The following CD48 variants were observed in gnomAD, a reference collection of about 807,000 sequenced individuals.
CD48 encodes CD48 antigen.
Under a neutral mutation model 22.0 loss-of-function variants are expected in CD48, and 20 were observed. The observed-to-expected ratio is 0.91, with a 90% CI of 0.64 to 1.32. The LOEUF (loss-of-function observed/expected upper bound fraction) is 1.32, where lower values mean the gene tolerates loss of function less well. CD48 is among the 40% of genes most tolerant of loss of function. The probability of loss-of-function intolerance (pLI) is 0.00; values close to 1 mark genes in which losing one functional copy is unlikely to be tolerated. For synonymous variants in CD48, 110 were observed against 110.1 expected (o/e 1.00, Z 0.01); for missense variants, 307 against 286.5 (o/e 1.07, Z -0.52).
intron 2 of CD48, among the ~76,000 whole-genome samples, chr1:160,683,065 G>A (rs905183825): frequency 2.0e-5 from 3 of 152,174 alleles, no homozygotes; most frequent in South Asian, 4.1e-4. Context: ...ATCTCAGATC[G>A]CTAAAAGATT....
At chr1:160,684,772 C>T (rs770799520) in intron 2 of CD48, 115 bp downstream of exon 2, 103 of 1,612,038 alleles carry the variant, frequency 6.4e-5, no homozygotes, top group Non-Finnish European at 8.4e-5. Context: ...TCAAACCTGT[C>T]CTGAGGTTTT....
chr1:160,694,455 T>A (rs12145359), intron 1 of CD48, among the ~76,000 whole-genome samples: 1 of 150,544 alleles, frequency 6.6e-6, no homozygotes, highest in Non-Finnish European at 1.5e-5. Context: ...GTCGGCATAG[T>A]CACAGCCTCA....
chr1:160,687,659 G>T (rs573801430), intron 1 of CD48, among the ~76,000 whole-genome samples: 1 of 152,122 alleles, frequency 6.6e-6, no homozygotes, highest in African/African-American at 2.4e-5. Context: ...ATGTGCCATG[G>T]CAATGAAGGC....
intron 1 of CD48, among the ~76,000 whole-genome samples, chr1:160,689,810 T>C (rs1477410941): frequency 6.6e-6 from 1 of 152,182 alleles, no homozygotes; most frequent in Non-Finnish European, 1.5e-5. Context: ...GATGATCTCC[T>C]GGTGAAACAC....
intron 1 of CD48, among the ~76,000 whole-genome samples, chr1:160,706,618 T>C (rs1423903062): frequency 6.6e-6 from 1 of 152,236 alleles, no homozygotes; most frequent in African/African-American, 2.4e-5. Context: ...TTTGATTTAA[T>C]TCTAACAGGA....
intron 1 of CD48, among the ~76,000 whole-genome samples, chr1:160,695,228 C>A (rs1159317188): frequency 1.3e-5 from 2 of 152,416 alleles, no homozygotes; most frequent in African/African-American, 4.8e-5. Flanking sequence ...AATAGTCCAA[C>A]TATTTGTCAG....
intron 2 of CD48, among the ~76,000 whole-genome samples, chr1:160,682,504 G>A (rs1661846263): frequency 6.9e-6 from 1 of 145,246 alleles, no homozygotes; most frequent in Admixed American, 6.8e-5. Context: ...AGAGAGAGAA[G>A]GGAAGAGAAG....
chr1:160,706,250 A>G (rs544984383), intron 1 of CD48, among the ~76,000 whole-genome samples: 6 of 152,102 alleles, frequency 3.9e-5, no homozygotes, highest in African/African-American at 1.2e-4. Flanking sequence ...AATTTTTTGT[A>G]TTTAGTAGAT....
intron 1 of CD48, among the ~76,000 whole-genome samples, chr1:160,709,750 A>G (rs543421199): frequency 5.9e-5 from 9 of 152,334 alleles, no homozygotes; most frequent in Admixed American, 2.6e-4. Context: ...TGTGTAGTCC[A>G]AAAGGAAGTT....
chr1:160,693,817 G>A (rs530259275), intron 1 of CD48, among the ~76,000 whole-genome samples: 19 of 152,376 alleles, frequency 1.2e-4, no homozygotes, highest in African/African-American at 4.6e-4. Context: ...CAACAAACTG[G>A]GGCATTCCCA....
At chr1:160,708,118 T>C (rs1439296944) in intron 1 of CD48, among the ~76,000 whole-genome samples, 1 of 152,108 alleles carries the variant, frequency 6.6e-6, no homozygotes, top group East Asian at 1.9e-4. Flanking sequence ...GGAATTAGCC[T>C]AAGTGGGATG....
intron 2 of CD48, chr1:160,684,130 T>C (rs1309445846): frequency 2.6e-5 from 4 of 151,880 alleles, no homozygotes; most frequent in African/African-American, 9.7e-5. Context: ...AAGCTAGGGG[T>C]TCTGGCCCGA....
intron 1 of CD48, among the ~76,000 whole-genome samples, chr1:160,705,680 C>T (rs1662765325): frequency 6.6e-6 from 1 of 152,120 alleles, no homozygotes; most frequent in African/African-American, 2.4e-5. Context: ...GATTTGTTCT[C>T]CTTCTGTTAG....
chr1:160,695,031 T>G (rs1662363782), intron 1 of CD48, among the ~76,000 whole-genome samples: 1 of 151,994 alleles, frequency 6.6e-6, no homozygotes, highest in Admixed American at 6.6e-5. Flanking sequence ...CTCTCCAACC[T>G]GGGTTGCCCT....
intron 1 of CD48, among the ~76,000 whole-genome samples, chr1:160,692,542 C>T (rs1209959322): frequency 1.3e-5 from 2 of 152,122 alleles, no homozygotes; most frequent in Non-Finnish European, 2.9e-5. Context: ...GGCCGAACTT[C>T]AGTATCGGCC....
At chr1:160,709,924 G>T (rs1046968725) in intron 1 of CD48, among the ~76,000 whole-genome samples, 3 of 152,128 alleles carry the variant, frequency 2.0e-5, no homozygotes, top group African/African-American at 7.2e-5. Context: ...ATAATCTGGA[G>T]CCTGAGGTTC....
At chr1:160,697,016 G>C (rs1662451739) in intron 1 of CD48, among the ~76,000 whole-genome samples, 1 of 151,900 alleles carries the variant, frequency 6.6e-6, no homozygotes, top group Non-Finnish European at 1.5e-5. Context: ...AGACAGTAAG[G>C]AGTGTACCAC....
At position 160,681,354 on chromosome 1, in the gene CD48, C is replaced by T. The variant is rs1459343483; in HGVS notation, c.500G>A (p.Gly167Glu). ...PGESVNYTWY[G>E]DKRPFPKELQ... Reference sequence around the variant, plus strand: ...CTCCTTTGGGAAGGGCCTTTTGTCCCCATACCAGGTGTAGTTTACAGACTC... The same window carrying T: ...CTCCTTTGGGAAGGGCCTTTTGTCCTCATACCAGGTGTAGTTTACAGACTC... Residue 167 changes from glycine to glutamate, a missense_variant, in exon 3 of 4, where the codon GGG (glycine) becomes GAG (glutamate). Transcript: ENST00000368046. 4 of 1,614,064 alleles carry T rather than the reference C, an allele frequency of 2.5e-6. No homozygotes were observed. The highest frequency in any genetic ancestry group is 3.4e-6 in the Non-Finnish European group (4 of 1,180,050).
At chr1:160,686,901 C>T (rs1323960506) in intron 1 of CD48, among the ~76,000 whole-genome samples, 1 of 152,108 alleles carries the variant, frequency 6.6e-6, no homozygotes, top group Non-Finnish European at 1.5e-5. Flanking sequence ...AAGTTTCGGG[C>T]ACCATTGTCA....
Sources: gnomAD v4.1 joint callset for allele counts (sites outside exome capture counted in the v4.1 genomes callset) on GRCh38, gnomAD v4.1.1 for gene constraint, MANE v1.5 for transcripts, NCBI Gene and HGNC (gene_info 2026-07-23, HGNC 2026-07-21) for gene names.